Variants in ADGRA2 observed in about 807,000 individuals in gnomAD.
ADGRA2 encodes G-protein coupled receptor 124.
In ADGRA2, 61 loss-of-function variants were observed where a neutral mutation model predicts 98.7. The observed-to-expected ratio is 0.62, with a 90% CI of 0.50 to 0.76. ADGRA2 has a LOEUF of 0.76. ADGRA2 is among the 30% of genes least tolerant of loss of function. The probability of loss-of-function intolerance (pLI) is 0.00; values close to 1 mark genes in which losing one functional copy is unlikely to be tolerated. For synonymous variants in ADGRA2, 858 were observed against 831.5 expected (o/e 1.03, Z -0.55); for missense variants, 1,712 against 1,860.0 (o/e 0.92, Z 1.46).
At chr8:37,801,526 AG>A (rs1045990172) in intron 1 of ADGRA2, among the ~76,000 whole-genome samples, 5 of 152,206 alleles carry the variant, frequency 3.3e-5, no homozygotes, top group African/African-American at 1.2e-4. Flanking sequence ...GTGAGGGGGA[AG>A]GGGGCTGAGG....
intron 2 of ADGRA2, among the ~76,000 whole-genome samples, chr8:37,819,668 C>A (rs1805077067): frequency 6.6e-6 from 1 of 151,918 alleles, no homozygotes; most frequent in East Asian, 1.9e-4. Flanking sequence ...TCGCACCCGG[C>A]CTTTTTCTTT....
At chr8:37,838,759 A>G (rs1267616002) in intron 14 of ADGRA2, among the ~76,000 whole-genome samples, 197 bp from the exon 15 acceptor site, 2 of 152,166 alleles carry the variant, frequency 1.3e-5, no homozygotes, top group Non-Finnish European at 2.9e-5. Flanking sequence ...GACTGGAGGC[A>G]GGGAAGGGGC....
Position 37,830,100 on chromosome 8 carries a change from C to A in ADGRA2, c.718+86C>A. The stretch of plus-strand genomic sequence containing the variant: ...CCCAGACACGAGCCTCCCCTCAGAC[C>A]CACAGGTTTTTACCTTTGTATTGCA... On this transcript the variant is annotated intron_variant, in intron 6 of 18. Coordinates refer to ENST00000412232, the MANE Select transcript of ADGRA2 (RefSeq NM_032777.10). This position sits in a 1 kb window ranked among gnomAD's most constrained non-coding sequence, Gnocchi z 4.8. 2.2e-6 allele frequency: 2 copies of A among 905,474 alleles called. No individual in the cohort carries two copies. Among genetic ancestry groups the A allele is most frequent in the Non-Finnish European group, 3.2e-6 (2 of 622,428 alleles). 56.1% of individuals were successfully genotyped at this position (905,474 alleles called of 1,614,324 possible).
intron 1 of ADGRA2, among the ~76,000 whole-genome samples, chr8:37,803,030 G>A (rs1804552140): frequency 6.6e-6 from 1 of 152,184 alleles, no homozygotes; most frequent in Non-Finnish European, 1.5e-5. Context: ...ATTAGGGAGG[G>A]GGAGTGGCAA....
chr8:37,838,694 TC>T (rs1805692788), intron 14 of ADGRA2, among the ~76,000 whole-genome samples: 1 of 151,650 alleles, frequency 6.6e-6, no homozygotes. Context: ...CTGCTCCCTT[TC>T]TCCTCATCTC....
chr8:37,838,021 T>C, intron 14 of ADGRA2, 82 bp downstream of exon 14: 2 of 1,146,908 alleles, frequency 1.7e-6, no homozygotes, highest in East Asian at 2.7e-5. Flanking sequence ...CTCTGACCAT[T>C]TGGGACCATG....
At position 37,841,220 on chromosome 8, in the gene ADGRA2, G is replaced by A. The variant is rs113694495; in HGVS notation, c.2882G>A (p.Gly961Asp). 327 of 1,613,566 alleles carry A rather than the reference G, an allele frequency of 2.0e-4. 1 individual carries two copies. In the African/African-American group the frequency reaches 3.7e-3, roughly 18 times the overall value. ...RGPLAQNPKA[G>D]NSRASLEAGE... is the part of the protein sequence containing the mutation. ...CCTCTGGCACAGAACCCCAAGGCGGGCAACAGCAGGGCCTCCCTGGAGGCA... is the reference window on the plus strand; with the variant it reads ...CCTCTGGCACAGAACCCCAAGGCGGACAACAGCAGGGCCTCCCTGGAGGCA... The change falls in exon 19 of 19, where the codon GGC (glycine) becomes GAC (aspartate). Residue 961 changes from glycine (G) to aspartate (D), a missense_variant. By Grantham distance (94) the Gly-to-Asp change is moderately conservative (BLOSUM62 -1). Coordinates refer to ENST00000412232, the MANE Select transcript of ADGRA2 (RefSeq NM_032777.10). This position sits in a 1 kb window ranked among gnomAD's most constrained non-coding sequence, Gnocchi z 5.0.
At chr8:37,808,784 C>T (rs939007338) in intron 1 of ADGRA2, among the ~76,000 whole-genome samples, 1 of 152,168 alleles carries the variant, frequency 6.6e-6, no homozygotes, top group African/African-American at 2.4e-5. Flanking sequence ...AGATCCTCAC[C>T]TCTAGAAAAA....
chr8:37,821,305 G>C (rs6985630), intron 2 of ADGRA2, among the ~76,000 whole-genome samples: 8,406 of 152,236 alleles, frequency 0.055, 491 homozygotes, highest in East Asian at 0.19. Flanking sequence ...TCCTTACACA[G>C]AACGCATGGC....
chr8:37,798,316 G>A (rs1219768796), intron 1 of ADGRA2, among the ~76,000 whole-genome samples: 1 of 152,220 alleles, frequency 6.6e-6, no homozygotes, highest in Non-Finnish European at 1.5e-5. Flanking sequence ...AACGCGGCTG[G>A]GGAAGCGGGG....
rs1337564693 is a variant in ADGRA2 at position 37,835,679 on chromosome 8, C to A, written c.1959C>A (p.Leu653=). The A allele has an allele frequency of 2.5e-5, 41 of 1,613,956 alleles. No individual in the cohort carries two copies. The highest frequency in any genetic ancestry group is 3.5e-5 in the Non-Finnish European group (41 of 1,179,962). ...TGCTCGTCTTCCGAAATGGCCGCCT[C>A]TTCCACAGCCACAGCAACACCTCCC... ...LQLLVFRNGR[L]FHSHSNTSRP... is the part of the protein sequence containing the mutation. Residue 653 remains leucine (L), a synonymous_variant, in exon 13 of 19, where the codon CTC becomes CTA. Transcript: ENST00000412232.
At position 37,831,463 on chromosome 8, in the gene ADGRA2, G is replaced by T; in HGVS notation, c.973G>T (p.Glu325Ter). ...TCACATCGGCGTGTGGGCCTCAGGCGAGTGGGAGTGCACCGTGTCCATGGC... is the reference window on the plus strand; with the variant it reads ...TCACATCGGCGTGTGGGCCTCAGGCTAGTGGGAGTGCACCGTGTCCATGGC... ...LSHIGVWASGEWECTVSMAQG... is the reference protein window; with the variant it reads ...LSHIGVWASG Residue 325 changes from glutamate (E) to a stop codon, truncating the protein, a stop_gained, in exon 8 of 19, where the codon GAG becomes TAG. Transcript: ENST00000412232. LOFTEE classifies it high-confidence loss of function. The T allele has an allele frequency of 6.2e-7, 1 of 1,613,188 alleles. No individual in the cohort carries two copies. The highest frequency in any genetic ancestry group is 8.5e-7 in the Non-Finnish European group (1 of 1,180,012).
chr8:37,844,813 G>T lies in ADGRA2; in HGVS notation c.*2458G>T, dbSNP rs145626361. On this transcript the variant is annotated 3_prime_UTR_variant, in exon 19 of 19. Coordinates refer to ENST00000412232, the MANE Select transcript of ADGRA2 (RefSeq NM_032777.10). ...GTCTCCACTTCTGCTGTCCCATCCCGAAAGGCAGAGCGGACCAGTGACTGG... is the reference window on the plus strand; with the variant it reads ...GTCTCCACTTCTGCTGTCCCATCCCTAAAGGCAGAGCGGACCAGTGACTGG... The T allele has an allele frequency of 6.2e-7, 1 of 1,614,082 alleles. No homozygotes were observed. The highest frequency in any genetic ancestry group is 8.5e-7 in the Non-Finnish European group (1 of 1,180,032).
Position 37,797,669 on chromosome 8 carries a change from C to T in ADGRA2, c.266+135C>T. On this transcript the variant is annotated intron_variant, in intron 1 of 18. Coordinates refer to ENST00000412232, the MANE Select transcript of ADGRA2 (RefSeq NM_032777.10). This position sits in a 1 kb window ranked among gnomAD's most constrained non-coding sequence, Gnocchi z 5.3. ...TTTCTGGACAGGCCTGGGTTCAGGC[C>T]CCCAGAGGGGAAGATTGGAGGAGCA... 3.4e-6 allele frequency: 3 copies of T among 873,506 alleles called. No individual in the cohort carries two copies. The highest frequency in any genetic ancestry group is 4.6e-6 in the Non-Finnish European group (3 of 649,114). 54.1% of individuals were successfully genotyped at this position (873,506 alleles called of 1,614,324 possible).
chr8:37,841,693 T>C lies in ADGRA2; in HGVS notation c.3355T>C (p.Ser1119Pro). Reference protein sequence around the residue: ...VFGEGPPSLKSSPSGSSGHPL... With the variant: ...VFGEGPPSLKPSPSGSSGHPL... The stretch of plus-strand genomic sequence containing the variant: ...CGGGGAGGGCCCCCCCTCCCTCAAG[T>C]CCTCCCCAAGCGGCAGCAGCGGCCA... Residue 1119 changes from serine (S) to proline (P), a missense_variant, in exon 19 of 19, where the codon TCC becomes CCC. By Grantham distance (74) the Ser-to-Pro change is moderately conservative. Transcript: ENST00000412232. This position sits in a 1 kb window ranked among gnomAD's most constrained non-coding sequence, Gnocchi z 5.0. The C allele has an allele frequency of 6.5e-7, 1 of 1,537,608 alleles. No individual in the cohort carries two copies. Among genetic ancestry groups the C allele is most frequent in the Non-Finnish European group, 8.8e-7 (1 of 1,142,214 alleles).
At chr8:37,803,583 C>A (rs1472147006) in intron 1 of ADGRA2, among the ~76,000 whole-genome samples, 2 of 152,190 alleles carry the variant, frequency 1.3e-5, no homozygotes, top group African/African-American at 4.8e-5. Context: ...CTCCCTCCTC[C>A]AGGGGCCCCC....
At position 37,800,565 on chromosome 8, in the gene ADGRA2, C is replaced by T. The variant is rs185520141; in HGVS notation, c.266+3031C>T. ...TTCCAGGGAGAGTGCCCCATCCCTG[C>T]GCTGGGGGAACAGGGGACAAGATAA... On this transcript the variant is annotated intron_variant, in intron 1 of 18. Transcript: ENST00000412232. Among the ~76,000 whole-genome samples, 17 of 152,286 alleles carry T rather than the reference C, an allele frequency of 1.1e-4. 1 individual carries two copies. The highest frequency in any genetic ancestry group is 9.6e-4 in the East Asian group (5 of 5,184).
Position 37,842,065 on chromosome 8 carries a change from C to T in ADGRA2, c.3727C>T (p.Gln1243Ter), listed in dbSNP as rs1253320794. The T allele has an allele frequency of 6.6e-7, 1 of 1,517,122 alleles. No individual in the cohort carries two copies. The highest frequency in any genetic ancestry group is 8.8e-7 in the Non-Finnish European group (1 of 1,140,030). 94.0% of individuals were successfully genotyped at this position (1,517,122 alleles called of 1,614,324 possible). A position where few individuals can be genotyped will look rare whatever the true frequency, so the allele number is the denominator to read the frequency against. Residue 1243 changes from glutamine (Q) to a stop codon, truncating the protein, a stop_gained, in exon 19 of 19, where the codon CAG (glutamine) becomes TAG (stop). Transcript: ENST00000412232. LOFTEE classifies it low-confidence loss of function (END_TRUNC). Reference protein sequence around the residue: ...SSRNSPGAGLQLEGEPMLTPS... With the variant: ...SSRNSPGAGL ...CCGCAACAGCCCGGGCGCCGGCCTG[C>T]AGCTGGAAGGCGAGCCCATGCTCAC... is the stretch of plus-strand genomic sequence containing the variant.
At chr8:37,839,280 C>T (rs1169594253) in intron 15 of ADGRA2, 197 bp downstream of exon 15, 1 of 656,434 alleles carries the variant, frequency 1.5e-6, no homozygotes, top group Non-Finnish European at 1.9e-6. Flanking sequence ...GGGGTTTTTT[C>T]CCCAGGTGGG....
Sources: gnomAD v4.1 joint callset for allele counts (sites outside exome capture counted in the v4.1 genomes callset) on GRCh38, gnomAD v4.1.1 for gene constraint, Gnocchi (gnomAD v3.1) non-coding constraint, MANE v1.5 for transcripts, NCBI Gene and HGNC (gene_info 2026-07-23, HGNC 2026-07-21) for gene names.